Variants in IARS1 observed in about 807,000 individuals in gnomAD.
IARS1 encodes isoleucyl-tRNA synthetase 1, also known as isoleucine--tRNA ligase, cytoplasmic.
A neutral mutation model predicts 168.2 loss-of-function variants in IARS1; 124 were observed. That is an observed-to-expected ratio of 0.74 (90% CI 0.64 to 0.86). The LOEUF is 0.86. Among genes scored for constraint, IARS1 ranks in the 40% least tolerant of loss-of-function variants. The probability of loss-of-function intolerance (pLI) is 0.00; values close to 1 mark genes in which losing one functional copy is unlikely to be tolerated. For missense variants in IARS1, 1,452 were observed against 1,515.8 expected, an observed-to-expected ratio of 0.96 and a Z score of 0.70; for synonymous variants, 532 against 529.4, an observed-to-expected ratio of 1.00 and a Z score of -0.07.
At chr9:92,214,840 G>T (rs1424009077) in intron 33 of IARS1, among the ~76,000 whole-genome samples, 2 of 152,242 alleles carry the variant, frequency 1.3e-5, no homozygotes, top group Admixed American at 6.5e-5. Flanking sequence ...CAGCAAGGCT[G>T]GGGGAGGGGC....
At chr9:92,240,823 A>C (rs1828278543) in intron 30 of IARS1, 33 bp downstream of exon 30, 4 of 1,377,836 alleles carry the variant, frequency 2.9e-6, no homozygotes, top group South Asian at 2.3e-5. Flanking sequence ...ATAACTAAAA[A>C]AAAGTCACAC....
At position 92,265,536 on chromosome 9, in the gene IARS1, T is replaced by C. The variant is rs1832166077; in HGVS notation, c.1449A>G (p.Ser483=). The C allele has an allele frequency of 1.9e-6, 3 of 1,614,110 alleles. No homozygotes were observed. In the East Asian group the frequency reaches 6.7e-5, roughly 36 times the overall value. ...CTGACAGTTCTTCAAGTTCCGCCAC[T>C]GACCCAATGCATACCACCTGTCAAA... ...DDFEEVVCIG[S]VAELEELSGA... is the part of the protein sequence containing the mutation. The change falls in exon 15 of 34, where the codon TCA becomes TCG. Residue 483 remains serine (S), a synonymous_variant. Coordinates refer to ENST00000443024, the MANE Select transcript of IARS1 (RefSeq NM_002161.6).
Position 92,258,854 on chromosome 9 carries a change from C to T in IARS1, c.2016G>A (p.Lys672=). 2 of 1,606,394 alleles carry T rather than the reference C, an allele frequency of 1.2e-6. No individual in the cohort carries two copies. Among genetic ancestry groups the T allele is most frequent in the South Asian group, 1.1e-5 (1 of 89,698 alleles). Residue 672 remains lysine, a splice_region_variant and synonymous_variant, in exon 19 of 34, where the codon AAG becomes AAA. Coordinates refer to ENST00000443024, the MANE Select transcript of IARS1 (RefSeq NM_002161.6). ...ATGTGCAGCCCCCTACAGCCCATAC[C>T]TTCTGGAGCCTCAGAACGTTCTGGA... ...FLIQNVLRLQ[K]EEEIEFLYNE...
intron 9 of IARS1, 32 bp from the exon 10 acceptor site, chr9:92,274,553 G>C: frequency 6.9e-7 from 1 of 1,456,834 alleles, no homozygotes; most frequent in East Asian, 2.3e-5. Flanking sequence ...CTTCAGGGAT[G>C]AAACATTACT....
chr9:92,290,337 C>T (rs1836121137), intron 1 of IARS1, among the ~76,000 whole-genome samples: 2 of 152,228 alleles, frequency 1.3e-5, no homozygotes. Context: ...GCTTATTGGC[C>T]ATTTGCGTAT....
At position 92,251,833 on chromosome 9, in the gene IARS1, A is replaced by C; in HGVS notation, c.2282T>G (p.Val761Gly). ...CVMALETLFS[V>G]LLSLCRLMAP... Reference sequence around the variant, plus strand: ...CATAAGTCTGCAAAGAGAAAGCAGAACACTAAACAAGGTTTCTAGGGCCAT... The same window carrying C: ...CATAAGTCTGCAAAGAGAAAGCAGACCACTAAACAAGGTTTCTAGGGCCAT... Residue 761 changes from valine to glycine, a missense_variant, in exon 22 of 34, where the codon GTT (valine) becomes GGT (glycine). By Grantham distance (109) the Val-to-Gly change is moderately radical. Transcript: ENST00000443024. 6.2e-7 allele frequency: 1 copy of C among 1,614,108 alleles called. No individual in the cohort carries two copies. Among genetic ancestry groups the C allele is most frequent in the Non-Finnish European group, 8.5e-7 (1 of 1,179,918 alleles).
intron 16 of IARS1, among the ~76,000 whole-genome samples, chr9:92,264,224 A>G (rs1006521308): frequency 6.6e-6 from 1 of 151,966 alleles, no homozygotes; most frequent in Non-Finnish European, 1.5e-5. Flanking sequence ...AGACCCAGCT[A>G]CTTAGGAGGG....
intron 20 of IARS1, among the ~76,000 whole-genome samples, chr9:92,255,664 A>AT (rs1331772019): frequency 6.6e-6 from 1 of 152,230 alleles, no homozygotes; most frequent in Admixed American, 6.5e-5. Flanking sequence ...TTATAAATGC[A>AT]TTAATAACAA....
At position 92,271,515 on chromosome 9, in the gene IARS1, G is replaced by A. The variant is rs200028516; in HGVS notation, c.1113+18C>T. On this transcript the variant is annotated intron_variant, in intron 11 of 33. Transcript: ENST00000443024. The stretch of plus-strand genomic sequence containing the variant: ...TCAGAAGTAACAGTCACCCTTCTAT[G>A]CTATATGGATTACAGACCTTCACAT... 1.5e-5 allele frequency: 24 copies of A among 1,613,680 alleles called. 1 individual carries two copies. In the Middle Eastern group the frequency reaches 3.0e-3, roughly 200 times the overall value.
At chr9:92,272,850 C>CAAACA (rs1400980940) in intron 10 of IARS1, among the ~76,000 whole-genome samples, 7 of 41,896 alleles carry the variant, frequency 1.7e-4, no homozygotes, top group Non-Finnish European at 3.0e-4. Flanking sequence ...GACTCTGTCT[C>CAAACA]AAACAAAACA....
chr9:92,289,267 T>C, intron 2 of IARS1, 34 bp downstream of exon 2: 1 of 857,068 alleles, frequency 1.2e-6, no homozygotes, highest in Non-Finnish European at 2.0e-6. Context: ...AAATGACTAT[T>C]CTTAAGGGAA....
chr9:92,223,548 T>C, intron 31 of IARS1, 59 bp from the exon 32 acceptor site: 10 of 1,402,272 alleles, frequency 7.1e-6, no homozygotes, highest in Non-Finnish European at 5.9e-6. Flanking sequence ...ACTGAAGTCA[T>C]TCAATTTTTC....
In IARS1 at chr9:92,222,502, G is replaced by T; in HGVS notation, c.3706+18C>A. 6.2e-7 allele frequency: 1 copy of T among 1,602,748 alleles called. No homozygotes were observed. The highest frequency in any genetic ancestry group is 8.5e-7 in the Non-Finnish European group (1 of 1,175,650). On this transcript the variant is annotated intron_variant, in intron 33 of 33. Transcript: ENST00000443024. ...CTTTCAACAAAAATAAAAAACTTAC[G>T]GTCCACAATCTCCTTACCCTGCGTT...
At chr9:92,275,324 T>C (rs746949113) in intron 9 of IARS1, among the ~76,000 whole-genome samples, 9 of 152,190 alleles carry the variant, frequency 5.9e-5, no homozygotes, top group Non-Finnish European at 1.2e-4. Flanking sequence ...AGAACAAAGA[T>C]TAAACTTAGT....
chr9:92,241,438 T>G (rs1253339454), intron 29 of IARS1, among the ~76,000 whole-genome samples: 1 of 152,096 alleles, frequency 6.6e-6, no homozygotes, highest in Admixed American at 6.5e-5. Context: ...CTCCACCTCC[T>G]GTGTTCAAGC....
intron 31 of IARS1, among the ~76,000 whole-genome samples, chr9:92,224,910 C>A (rs1825413736): frequency 6.6e-6 from 1 of 152,134 alleles, no homozygotes; most frequent in Non-Finnish European, 1.5e-5. Flanking sequence ...CCTGCCCTTG[C>A]CCAATGGATT....
chr9:92,293,529 C>A, intron 1 of IARS1, 82 bp downstream of exon 1: 2 of 520,786 alleles, frequency 3.8e-6, no homozygotes, highest in Admixed American at 2.1e-5. Flanking sequence ...AAAATTAAAT[C>A]TTGTGCTACT....
chr9:92,267,570 GCTGGTCTCAAATAT>G (rs1037423916), intron 14 of IARS1, among the ~76,000 whole-genome samples: 13 of 152,120 alleles, frequency 8.5e-5, no homozygotes, highest in Admixed American at 1.3e-4. Context: ...TGTTGCCTAG[GCTGGTCTCAAATAT>G]CTGGTCTCAA....
At chr9:92,285,128 G>A (rs1307238476) in intron 6 of IARS1, among the ~76,000 whole-genome samples, 1 of 152,056 alleles carries the variant, frequency 6.6e-6, no homozygotes, top group South Asian at 2.1e-4. Flanking sequence ...TCTCAAAACT[G>A]AAAACAACTC....
Sources: gnomAD v4.1 joint callset for allele counts (sites outside exome capture counted in the v4.1 genomes callset) on GRCh38, gnomAD v4.1.1 for gene constraint, MANE v1.5 for transcripts, NCBI Gene and HGNC (gene_info 2026-07-23, HGNC 2026-07-21) for gene names.